SDCCAG8: variants seen among roughly 807,000 people sequenced by gnomAD.
SDCCAG8 encodes the protein serologically defined colon cancer antigen 8.
Under a neutral mutation model 101.8 loss-of-function variants are expected in SDCCAG8, and 74 were observed. That is an observed-to-expected ratio of 0.73 (90% CI 0.60 to 0.88). The LOEUF (loss-of-function observed/expected upper bound fraction) is 0.88, where lower values mean the gene tolerates loss of function less well. SDCCAG8 is among the 40% of genes least tolerant of loss of function. The pLI, the probability that SDCCAG8 is intolerant of heterozygous loss-of-function variation, is 0.00. For synonymous variants in SDCCAG8, 281 were observed against 292.9 expected (o/e 0.96, Z 0.41); for missense variants, 787 against 822.6 (o/e 0.96, Z 0.53).
At chr1:243,432,537 A>C (rs2081858748) in intron 16 of SDCCAG8, among the ~76,000 whole-genome samples, 1 of 152,242 alleles carries the variant, frequency 6.6e-6, no homozygotes, top group Non-Finnish European at 1.5e-5. Context: ...AAAAGTTTTA[A>C]AAAAATGGGA....
chr1:243,406,770 T>C (rs562473993), intron 13 of SDCCAG8, among the ~76,000 whole-genome samples: 1 of 152,258 alleles, frequency 6.6e-6, no homozygotes, highest in African/African-American at 2.4e-5. Context: ...TCCTCCAGCA[T>C]CCCGTCATGC....
At chr1:243,482,205 C>T (rs1295432431) in intron 16 of SDCCAG8, among the ~76,000 whole-genome samples, 1 of 152,234 alleles carries the variant, frequency 6.6e-6, no homozygotes, top group Non-Finnish European at 1.5e-5. Flanking sequence ...CCACTCAGCT[C>T]TATAAAGTTG....
intron 13 of SDCCAG8, among the ~76,000 whole-genome samples, chr1:243,386,168 T>C (rs1203847327): frequency 6.6e-6 from 1 of 152,198 alleles, no homozygotes; most frequent in Non-Finnish European, 1.5e-5. Flanking sequence ...CAGACTCCTA[T>C]TTTCTGTAAT....
intron 3 of SDCCAG8, among the ~76,000 whole-genome samples, chr1:243,272,662 G>C (rs951256358): frequency 3.9e-5 from 6 of 152,132 alleles, no homozygotes; most frequent in Non-Finnish European, 7.3e-5. Context: ...AAGAGAATCA[G>C]TTTAGTACAT....
At chr1:243,263,394 C>G (rs1325572081) in intron 1 of SDCCAG8, among the ~76,000 whole-genome samples, 1 of 152,170 alleles carries the variant, frequency 6.6e-6, no homozygotes. Context: ...GAAGTACAGG[C>G]TTTGCTTGTA....
intron 5 of SDCCAG8, among the ~76,000 whole-genome samples, chr1:243,292,130 G>A (rs372617422): frequency 8.5e-5 from 13 of 152,134 alleles, no homozygotes; most frequent in African/African-American, 3.1e-4. Flanking sequence ...GGATGCATTC[G>A]CCAACCCAGA....
chr1:243,469,830 G>GGTTTTTTT (rs1660859635), intron 16 of SDCCAG8, among the ~76,000 whole-genome samples: 1 of 123,530 alleles, frequency 8.1e-6, no homozygotes, highest in Non-Finnish European at 1.7e-5. Flanking sequence ...GAAAGTGTTG[G>GGTTTTTTT]TTTTTTTTTT....
intron 12 of SDCCAG8, among the ~76,000 whole-genome samples, chr1:243,376,151 AT>A (rs1293877610): frequency 7.9e-5 from 12 of 152,156 alleles, no homozygotes; most frequent in Non-Finnish European, 1.5e-4. Context: ...TAGGTGGGTC[AT>A]TTTTTCTTGT....
At chr1:243,294,705 C>G (rs867468624) in intron 6 of SDCCAG8, among the ~76,000 whole-genome samples, 12 of 65,428 alleles carry the variant, frequency 1.8e-4, no homozygotes, top group African/African-American at 4.0e-4. Context: ...TTCCCCCCCC[C>G]CCCCACAGCT....
chr1:243,459,916 CT>C (rs1360476938), intron 16 of SDCCAG8, among the ~76,000 whole-genome samples: 5 of 151,970 alleles, frequency 3.3e-5, no homozygotes, highest in Admixed American at 6.6e-5. Context: ...TATGCTAATG[CT>C]TTTTTTTATT....
chr1:243,285,159 G>T (rs377712232), intron 4 of SDCCAG8, among the ~76,000 whole-genome samples: 1 of 152,180 alleles, frequency 6.6e-6, no homozygotes, highest in Non-Finnish European at 1.5e-5. Context: ...GATTACAGGC[G>T]TGAGCCACCG....
At chr1:243,316,996 AAC>A in intron 9 of SDCCAG8, 103 bp downstream of exon 9, 1 of 1,205,586 alleles carries the variant, frequency 8.3e-7, no homozygotes, top group Non-Finnish European at 1.2e-6. Flanking sequence ...TTGTTTTTCA[AAC>A]ACACAAAGTG....
In SDCCAG8 at chr1:243,344,208, C is replaced by A; in HGVS notation, c.1357-7C>A. The stretch of plus-strand genomic sequence containing the variant: ...AGGTAATCATCCAGTTTTTTACAAT[C>A]TAACAGGTGTGTGGAGAAATGCGCT... On this transcript the variant is annotated splice_region_variant and splice_polypyrimidine_tract_variant and intron_variant, in intron 11 of 17. Transcript: ENST00000366541. 6.2e-7 allele frequency: 1 copy of A among 1,610,570 alleles called. No homozygotes were observed. Among genetic ancestry groups the A allele is most frequent in the Non-Finnish European group, 8.5e-7 (1 of 1,176,862 alleles).
At chr1:243,432,833 C>T (rs1027919887) in intron 16 of SDCCAG8, among the ~76,000 whole-genome samples, 1 of 152,022 alleles carries the variant, frequency 6.6e-6, no homozygotes. Context: ...AAAGTTCAAA[C>T]TTATGCTTAT....
At chr1:243,426,376 C>A in intron 15 of SDCCAG8, 51 bp from the exon 16 acceptor site, 6 of 1,484,098 alleles carry the variant, frequency 4.0e-6, no homozygotes, top group Non-Finnish European at 5.6e-6. Context: ...AACAATATGC[C>A]CTAGTAATAA....
At chr1:243,374,294 A>C (rs2147892108) in intron 12 of SDCCAG8, among the ~76,000 whole-genome samples, 1 of 152,214 alleles carries the variant, frequency 6.6e-6, no homozygotes, top group Middle Eastern at 3.4e-3. Context: ...TAGTAGAAGA[A>C]AACATCCTCA....
intron 15 of SDCCAG8, among the ~76,000 whole-genome samples, chr1:243,420,105 C>T (rs982100497): frequency 6.6e-6 from 1 of 152,186 alleles, no homozygotes; most frequent in Non-Finnish European, 1.5e-5. Context: ...CAGTCTGTCC[C>T]ATTGTTGATG....
At chr1:243,345,010 G>A (rs548027764) in intron 12 of SDCCAG8, among the ~76,000 whole-genome samples, 1 of 152,232 alleles carries the variant, frequency 6.6e-6, no homozygotes, top group Admixed American at 6.5e-5. Flanking sequence ...TACAGTACAG[G>A]ACCTTGAAGG....
intron 12 of SDCCAG8, among the ~76,000 whole-genome samples, chr1:243,354,159 G>T (rs966295377): frequency 4.6e-5 from 7 of 152,178 alleles, no homozygotes; most frequent in African/African-American, 1.7e-4. Flanking sequence ...GAAGTGAGAA[G>T]CTTGGACAAG....
Sources: gnomAD v4.1 joint callset for allele counts (sites outside exome capture counted in the v4.1 genomes callset) on GRCh38, gnomAD v4.1.1 for gene constraint, MANE v1.5 for transcripts, NCBI Gene and HGNC (gene_info 2026-07-23, HGNC 2026-07-21) for gene names.